Variants in MSRA observed in about 807,000 individuals in gnomAD.
MSRA encodes mitochondrial peptide methionine sulfoxide reductase.
MSRA carries 54 observed loss-of-function variants against 31.3 expected under a neutral mutation model. The ratio of observed to expected loss-of-function variants is 1.73; its 90% CI spans 1.39 to 2.17. The LOEUF is 2.17. MSRA is among the 30% of genes most tolerant of loss of function. The pLI, the probability that MSRA is intolerant of heterozygous loss-of-function variation, is 0.00. For missense variants in MSRA, 507 were observed against 300.9 expected (o/e 1.69, Z -5.07); for synonymous variants, 169 against 116.5 (o/e 1.45, Z -2.90).
chr8:10,395,783 C>T (rs765609081), intron 5 of MSRA, among the ~76,000 whole-genome samples: 40 of 152,290 alleles, frequency 2.6e-4, no homozygotes, highest in East Asian at 1.7e-3. Flanking sequence ...AACCTGCGTA[C>T]GTCCTCAAAG....
chr8:10,251,932 A>C lies in MSRA; in HGVS notation c.331+6709A>C, dbSNP rs191364486. On this transcript the variant is annotated intron_variant, in intron 3 of 5. Transcript: ENST00000317173. ...CCTAGAAGGGCCTTAACCATCTTCC[A>C]ATACAACAGCTTTCAAACTGGGTGA... 6.5e-3 allele frequency among the ~76,000 whole-genome samples: 994 copies of C among 152,108 alleles called. 5 individuals carry two copies. Among genetic ancestry groups the C allele is most frequent in the Non-Finnish European group, 0.01 (685 of 68,004 alleles).
intron 4 of MSRA, among the ~76,000 whole-genome samples, chr8:10,306,626 T>A (rs1801154452): frequency 6.6e-6 from 1 of 152,204 alleles, no homozygotes; most frequent in South Asian, 2.1e-4. Context: ...TCCTTAAGGC[T>A]TCTTCTCACA....
chr8:10,198,988 A>G (rs1365619683), intron 1 of MSRA, among the ~76,000 whole-genome samples: 5 of 152,206 alleles, frequency 3.3e-5, no homozygotes, highest in African/African-American at 1.2e-4. Flanking sequence ...TGCCATTTGC[A>G]CGAATCAAAG....
At chr8:10,107,774 G>T (rs1179425707) in intron 1 of MSRA, among the ~76,000 whole-genome samples, 2 of 152,166 alleles carry the variant, frequency 1.3e-5, no homozygotes, top group African/African-American at 4.8e-5. Flanking sequence ...TGGTGAGCCT[G>T]TCTTGTCCGG....
chr8:10,405,144 G>C (rs939509849), intron 5 of MSRA, among the ~76,000 whole-genome samples: 1 of 152,196 alleles, frequency 6.6e-6, no homozygotes, highest in Non-Finnish European at 1.5e-5. Flanking sequence ...TCACAAAATA[G>C]CAAGACATGT....
In MSRA at chr8:10,375,450, G is replaced by A. The variant is rs866372007; in HGVS notation, c.544-52698G>A. On this transcript the variant is annotated intron_variant, in intron 5 of 5. Coordinates refer to ENST00000317173, the MANE Select transcript of MSRA (RefSeq NM_012331.5). ...TTAATATGCTTACGCTTCTATCTTCGTGCCCCTAGTGGAATGATGTTTGTG... is the reference window on the plus strand; with the variant it reads ...TTAATATGCTTACGCTTCTATCTTCATGCCCCTAGTGGAATGATGTTTGTG... 7.2e-5 allele frequency among the ~76,000 whole-genome samples: 11 copies of A among 152,286 alleles called. 1 individual carries two copies. Among genetic ancestry groups the A allele is most frequent in the East Asian group, 5.8e-4 (3 of 5,186 alleles).
At chr8:10,156,301 C>T (rs1352265747) in intron 1 of MSRA, among the ~76,000 whole-genome samples, 1 of 152,064 alleles carries the variant, frequency 6.6e-6, no homozygotes, top group Non-Finnish European at 1.5e-5. Context: ...ATTGAATCAC[C>T]CTTTCCTTTT....
chr8:10,309,359 G>A (rs528801168), intron 4 of MSRA, among the ~76,000 whole-genome samples: 16 of 152,360 alleles, frequency 1.1e-4, no homozygotes, highest in Non-Finnish European at 1.6e-4. Flanking sequence ...CGGAATAAGC[G>A]CTGGCTCTAA....
chr8:10,311,602 G>A (rs757256741), intron 4 of MSRA, among the ~76,000 whole-genome samples: 5 of 151,904 alleles, frequency 3.3e-5, no homozygotes, highest in South Asian at 4.2e-4. Context: ...TCAGAAAATC[G>A]TCTTATGTTA....
intron 1 of MSRA, among the ~76,000 whole-genome samples, chr8:10,142,419 G>T (rs1802796112): frequency 6.6e-6 from 1 of 152,208 alleles, no homozygotes; most frequent in Admixed American, 6.5e-5. Flanking sequence ...GAGGGCTTCT[G>T]CTTCTAAATC....
chr8:10,067,793 A>G (rs909464388), intron 1 of MSRA, among the ~76,000 whole-genome samples: 31 of 133,038 alleles, frequency 2.3e-4, no homozygotes, highest in African/African-American at 7.3e-4. Flanking sequence ...TCCTGAGCTT[A>G]TTTGCCATAT....
intron 3 of MSRA, among the ~76,000 whole-genome samples, chr8:10,246,704 A>G (rs1487937705): frequency 5.9e-5 from 9 of 152,256 alleles, no homozygotes; most frequent in Admixed American, 6.5e-5. Flanking sequence ...CTGTACAACA[A>G]TGAAAATATT....
At chr8:10,058,348 G>A (rs946370715) in intron 1 of MSRA, among the ~76,000 whole-genome samples, 26 of 152,122 alleles carry the variant, frequency 1.7e-4, no homozygotes, top group Non-Finnish European at 2.9e-4. Context: ...CCTGAGAAGA[G>A]GAGATCATAA....
At chr8:10,254,560 A>C (rs1798080076) in intron 3 of MSRA, among the ~76,000 whole-genome samples, 1 of 152,218 alleles carries the variant, frequency 6.6e-6, no homozygotes, top group African/African-American at 2.4e-5. Context: ...CATTCTACCT[A>C]CTAATCTCTG....
chr8:10,403,088 C>T (rs1426545792), intron 5 of MSRA, among the ~76,000 whole-genome samples: 1 of 152,168 alleles, frequency 6.6e-6, no homozygotes, highest in African/African-American at 2.4e-5. Flanking sequence ...CTCACACGTA[C>T]GAAGCTTGAG....
chr8:10,334,090 A>C (rs1190144582), intron 5 of MSRA, among the ~76,000 whole-genome samples: 2 of 151,670 alleles, frequency 1.3e-5, no homozygotes, highest in Non-Finnish European at 3.0e-5. Context: ...AGGGAGGAAA[A>C]AAGGCCCCAG....
At chr8:10,193,013 C>G (rs778294930) in intron 1 of MSRA, among the ~76,000 whole-genome samples, 3 of 152,176 alleles carry the variant, frequency 2.0e-5, no homozygotes, top group Non-Finnish European at 1.5e-5. Flanking sequence ...GAGCTATAAG[C>G]CTTTTGGGAA....
intron 5 of MSRA, among the ~76,000 whole-genome samples, chr8:10,397,943 G>A (rs1478801898): frequency 6.6e-6 from 1 of 152,164 alleles, no homozygotes; most frequent in Non-Finnish European, 1.5e-5. Flanking sequence ...TCCCTCTCTT[G>A]TTAATGTGAA....
intron 5 of MSRA, among the ~76,000 whole-genome samples, chr8:10,342,297 C>A (rs1803478032): frequency 6.6e-6 from 1 of 152,050 alleles, no homozygotes; most frequent in South Asian, 2.1e-4. Flanking sequence ...TTGATATTTA[C>A]CAGATTAAAA....
Sources: gnomAD v4.1 joint callset for allele counts (sites outside exome capture counted in the v4.1 genomes callset) on GRCh38, gnomAD v4.1.1 for gene constraint, MANE v1.5 for transcripts, NCBI Gene and HGNC (gene_info 2026-07-23, HGNC 2026-07-21) for gene names.